Variants in WNK1 observed in about 807,000 individuals in gnomAD.
WNK1 encodes WNK lysine deficient protein kinase 1, also known as serine/threonine-protein kinase WNK1.
WNK1 carries 38 observed loss-of-function variants against 222.8 expected under a neutral mutation model. The ratio of observed to expected loss-of-function variants is 0.17; its 90% CI spans 0.13 to 0.22. The LOEUF (loss-of-function observed/expected upper bound fraction) is 0.22. WNK1 is among the 10% of genes least tolerant of loss of function. The probability of loss-of-function intolerance (pLI) is 1.00; values close to 1 mark genes in which losing one functional copy is unlikely to be tolerated. For synonymous variants in WNK1, 1,090 were observed against 1,092.9 expected, an observed-to-expected ratio of 1.00 and a Z score of 0.05; for missense variants, 2,348 against 2,918.4, an observed-to-expected ratio of 0.80 and a Z score of 4.50.
At chr12:784,258 A>G (rs977828007) in intron 1 of WNK1, among the ~76,000 whole-genome samples, 66 of 152,238 alleles carry the variant, frequency 4.3e-4, no homozygotes, top group African/African-American at 1.5e-3. Flanking sequence ...TATTTTTACA[A>G]CCCAGATGTG....
Position 753,957 on chromosome 12 carries a change from C to T in WNK1, c.392C>T (p.Ser131Phe). Residue 131 changes from serine to phenylalanine, a missense_variant, in exon 1 of 28, where the codon TCC becomes TTC. Ser to Phe is a radical substitution (Grantham distance 155). This residue lies in a region of WNK1 where 185 missense variants were observed against 159.2 expected (regional missense o/e 1.16). Coordinates refer to ENST00000315939, the MANE Select transcript of WNK1 (RefSeq NM_018979.4). This position sits in a 1 kb window ranked among gnomAD's most constrained non-coding sequence, Gnocchi z 5.2. Reference protein sequence around the residue: ...REETVTATATSQVAQQPPAAA... With the variant: ...REETVTATATFQVAQQPPAAA... ...GAGACCGTGACCGCCACCGCCACTT[C>T]CCAGGTAGCCCAGCAGCCTCCAGCC... 3 of 1,601,954 alleles carry T rather than the reference C, an allele frequency of 1.9e-6. No individual in the cohort carries two copies. Among genetic ancestry groups the T allele is most frequent in the Admixed American group, 3.4e-5 (2 of 58,066 alleles).
chr12:877,734 G>C (rs1046612166), intron 9 of WNK1, among the ~76,000 whole-genome samples: 3 of 152,128 alleles, frequency 2.0e-5, no homozygotes, highest in Non-Finnish European at 4.4e-5. Flanking sequence ...CTATTTTGTA[G>C]CTATAATCAA....
In WNK1 at chr12:881,771, T is replaced by C; in HGVS notation, c.3191T>C (p.Leu1064Ser). 1 of 1,614,226 alleles carries C rather than the reference T, an allele frequency of 6.2e-7. No individual in the cohort carries two copies. Among genetic ancestry groups the C allele is most frequent in the Non-Finnish European group, 8.5e-7 (1 of 1,180,032 alleles). ...AQTQATQPTT[L>S]ASSVDSAHSD... ...ACCCAAGCTACCCAGCCGACCACTTTGGCTTCCTCTGTAGACAGGTACGTA... is the reference window on the plus strand; with the variant it reads ...ACCCAAGCTACCCAGCCGACCACTTCGGCTTCCTCTGTAGACAGGTACGTA... The change falls in exon 13 of 28, where the codon TTG (leucine) becomes TCG (serine). Residue 1064 changes from leucine to serine, a missense_variant. Around this residue, in one of 13 missense-constraint regions of WNK1, gnomAD observed 547 missense variants for 558.3 expected, o/e 0.98. Transcript: ENST00000315939.
chr12:869,306 C>T (rs1340227189), intron 8 of WNK1: 1 of 699,028 alleles, frequency 1.4e-6, no homozygotes. Flanking sequence ...ACCTGATTTA[C>T]CTATTATATG....
At chr12:853,802 G>C (rs1950573366) in intron 4 of WNK1, among the ~76,000 whole-genome samples, 1 of 152,198 alleles carries the variant, frequency 6.6e-6, no homozygotes, top group East Asian at 1.9e-4. Context: ...CCAGGCGAGA[G>C]TGCAGTGGCA....
chr12:847,803 T>A, intron 4 of WNK1, among the ~76,000 whole-genome samples: 1 of 123,178 alleles, frequency 8.1e-6, no homozygotes, highest in African/African-American at 3.8e-5. Context: ...TTAATTCTCT[T>A]TTTTTTTTTT....
chr12:765,738 G>A (rs117530926), intron 1 of WNK1, among the ~76,000 whole-genome samples: 2 of 152,056 alleles, frequency 1.3e-5, no homozygotes, highest in East Asian at 1.9e-4. Context: ...TTAAGACTAG[G>A]CTGGGCAATG....
Position 862,242 on chromosome 12 carries a change from C to T in WNK1, c.2111C>T (p.Pro704Leu), listed in dbSNP as rs1951273372. 6.2e-7 allele frequency: 1 copy of T among 1,614,036 alleles called. No homozygotes were observed. Among genetic ancestry groups the T allele is most frequent in the Non-Finnish European group, 8.5e-7 (1 of 1,179,976 alleles). Reference sequence around the variant, plus strand: ...TCTACTGTCCAAGCACAGTCTCAGCCCCATGGGGTATATCCACCCTCAAGT... The same window carrying T: ...TCTACTGTCCAAGCACAGTCTCAGCTCCATGGGGTATATCCACCCTCAAGT... ...IPSTVQAQSQPHGVYPPSSVA... is the reference protein window; with the variant it reads ...IPSTVQAQSQLHGVYPPSSVA... The change falls in exon 8 of 28, where the codon CCC (proline) becomes CTC (leucine). Residue 704 changes from proline to leucine, a missense_variant. Pro to Leu is a moderately conservative substitution (Grantham distance 98, BLOSUM62 -3). This residue lies in a region of WNK1 where 547 missense variants were observed against 558.3 expected (regional missense o/e 0.98). Transcript: ENST00000315939.
In WNK1 at chr12:883,766, T is replaced by C. The variant is rs1322530099; in HGVS notation, c.3664-8T>C. 1 of 1,614,176 alleles carries C rather than the reference T, an allele frequency of 6.2e-7. No individual in the cohort carries two copies. On this transcript the variant is annotated splice_region_variant and splice_polypyrimidine_tract_variant and intron_variant, in intron 16 of 27. Transcript: ENST00000315939. ...GAGAATGTATTTAATCACTTTTGTTTGTTGTAGAAATTGGAAGGAGAGTTC... is the reference window on the plus strand; with the variant it reads ...GAGAATGTATTTAATCACTTTTGTTCGTTGTAGAAATTGGAAGGAGAGTTC...
intron 26 of WNK1, among the ~76,000 whole-genome samples, chr12:905,965 T>C (rs987059846): frequency 7.9e-5 from 12 of 152,182 alleles, no homozygotes; most frequent in African/African-American, 2.9e-4. Flanking sequence ...CAGAATTAGC[T>C]GTTACTGCAG....
At position 910,468 on chromosome 12, in the gene WNK1, A is replaced by G. The variant is rs1327331287; in HGVS notation, c.*1676A>G. The G allele has an allele frequency of 1.3e-5, 2 of 152,196 alleles. No individual in the cohort carries two copies. The highest frequency in any genetic ancestry group is 2.9e-5 in the Non-Finnish European group (2 of 68,040). 9.4% of individuals were successfully genotyped at this position (152,196 alleles called of 1,614,324 possible). On this transcript the variant is annotated 3_prime_UTR_variant, in exon 28 of 28. Coordinates refer to ENST00000315939, the MANE Select transcript of WNK1 (RefSeq NM_018979.4). ...ATACTCCCCGTAAGTAATAACTGCA[A>G]CCAATCAGTGTTATTCAGTGCTATG...
At chr12:809,214 A>G (rs1407854836) in intron 1 of WNK1, among the ~76,000 whole-genome samples, 3 of 92,014 alleles carry the variant, frequency 3.3e-5, no homozygotes, top group African/African-American at 8.8e-5. Flanking sequence ...TTTTTTTCCT[A>G]TTCTTTTGAG....
chr12:889,546 C>T (rs1289684641), intron 21 of WNK1, among the ~76,000 whole-genome samples: 5 of 152,196 alleles, frequency 3.3e-5, no homozygotes, highest in Non-Finnish European at 7.3e-5. Flanking sequence ...GGGCTAGGTG[C>T]AGTGGCTCAC....
chr12:765,605 G>T (rs1276141782), intron 1 of WNK1, among the ~76,000 whole-genome samples: 1 of 119,970 alleles, frequency 8.3e-6, no homozygotes. Context: ...GCTATATCCA[G>T]ATCTTGGGTC....
At chr12:761,606 A>G (rs1204042716) in intron 1 of WNK1, among the ~76,000 whole-genome samples, 1 of 147,878 alleles carries the variant, frequency 6.8e-6, no homozygotes, top group Non-Finnish European at 1.5e-5. Context: ...GTATAAACCA[A>G]ACAGTGAGAG....
At chr12:849,380 G>A (rs575678595) in intron 4 of WNK1, among the ~76,000 whole-genome samples, 10 of 152,286 alleles carry the variant, frequency 6.6e-5, no homozygotes, top group Admixed American at 5.9e-4. Context: ...AAAGCAATGA[G>A]CAATGCTGTT....
intron 1 of WNK1, among the ~76,000 whole-genome samples, chr12:763,670 CAAGT>C (rs1205008010): frequency 2.0e-5 from 3 of 147,134 alleles, no homozygotes; most frequent in Non-Finnish European, 4.5e-5. Flanking sequence ...AGTGAAGCCT[CAAGT>C]AAGGGAGGGC....
At chr12:807,592 C>T (rs1210868947) in intron 1 of WNK1, among the ~76,000 whole-genome samples, 1 of 151,958 alleles carries the variant, frequency 6.6e-6, no homozygotes, top group African/African-American at 2.4e-5. Context: ...TTGGTTTCCC[C>T]TTTGGCAAAC....
rs780078845 is a variant in WNK1 at position 907,901 on chromosome 12, C to G, written c.6698C>G (p.Ala2233Gly). Residue 2233 changes from alanine to glycine, a missense_variant, in exon 27 of 28, where the codon GCT becomes GGT. By Grantham distance (60) the Ala-to-Gly change is moderately conservative (BLOSUM62 0). Transcript: ENST00000315939. ...GATVNSQAAQ[A>G]QPPAMTSSRK... The stretch of plus-strand genomic sequence containing the variant: ...ACAGTGAACAGCCAAGCCGCCCAAG[C>G]TCAGCCTCCTGCCATGACGTCCAGC... 3.1e-6 allele frequency: 5 copies of G among 1,614,054 alleles called. No individual in the cohort carries two copies. The highest frequency in any genetic ancestry group is 2.7e-5 in the African/African-American group (2 of 74,922).
Sources: allele counts gnomAD v4.1 joint callset (sites outside exome capture counted in the v4.1 genomes callset), GRCh38; gene constraint gnomAD v4.1.1; regional missense constraint gnomAD v4.1.1; non-coding constraint Gnocchi (gnomAD v3.1); transcripts MANE v1.5; gene names NCBI Gene and HGNC (gene_info 2026-07-23, HGNC 2026-07-21).